The following SEC24A variants were observed in gnomAD, a reference collection of about 807,000 sequenced individuals.
SEC24A encodes the protein SEC24 homolog A, COPII component, also known as protein transport protein Sec24A.
SEC24A carries 93 observed loss-of-function variants against 129.4 expected under a neutral mutation model. The observed-to-expected ratio is 0.72, with a 90% CI of 0.61 to 0.85. The LOEUF is 0.85. Among genes scored for constraint, SEC24A ranks in the 40% least tolerant of loss-of-function variants. The pLI, the probability that SEC24A is intolerant of heterozygous loss-of-function variation, is 0.00. For missense variants in SEC24A, 1,264 were observed against 1,307.4 expected (o/e 0.97, Z 0.51); for synonymous variants, 460 against 467.3 (o/e 0.98, Z 0.20).
At chr5:134,696,271 C>CA (rs900609545) in intron 13 of SEC24A, among the ~76,000 whole-genome samples, 18 of 147,468 alleles carry the variant, frequency 1.2e-4, no homozygotes, top group African/African-American at 2.5e-4. Flanking sequence ...ACTCCCATCT[C>CA]AAAAAAAAAG....
intron 20 of SEC24A, among the ~76,000 whole-genome samples, chr5:134,720,504 GT>G (rs1271903607): frequency 1.3e-5 from 2 of 152,074 alleles, no homozygotes; most frequent in Non-Finnish European, 2.9e-5. Context: ...TATCTTCCTT[GT>G]TTCATGCCAA....
intron 7 of SEC24A, among the ~76,000 whole-genome samples, chr5:134,676,996 T>G (rs1212317046): frequency 6.6e-6 from 1 of 152,192 alleles, no homozygotes; most frequent in Non-Finnish European, 1.5e-5. Context: ...ATCATACTAT[T>G]TTAATAGGTT....
intron 4 of SEC24A, among the ~76,000 whole-genome samples, chr5:134,674,040 G>A (rs189387589): frequency 1.3e-5 from 2 of 152,154 alleles, no homozygotes; most frequent in African/African-American, 4.8e-5. Context: ...GGCTGAAGCA[G>A]GAAAATCGCT....
At position 134,675,092 on chromosome 5, in the gene SEC24A, T is replaced by G; in HGVS notation, c.1026T>G (p.Ser342Arg). 1 of 1,612,806 alleles carries G rather than the reference T, an allele frequency of 6.2e-7. No individual in the cohort carries two copies. The highest frequency in any genetic ancestry group is 1.1e-5 in the South Asian group (1 of 90,920). The change falls in exon 6 of 23, where the codon AGT becomes AGG. Residue 342 changes from serine to arginine, a missense_variant. Ser to Arg is a moderately radical substitution (Grantham distance 110). Transcript: ENST00000398844. ...TAACCACAAGCATGAGTGGATTAAG[T>G]CTACAACCAGAGGGTCTAAGAGTTG... is the stretch of plus-strand genomic sequence containing the variant. ...NHLTTSMSGLSLQPEGLRVVN... is the reference protein window; with the variant it reads ...NHLTTSMSGLRLQPEGLRVVN...
chr5:134,716,410 A>G (rs1272317008), intron 19 of SEC24A, among the ~76,000 whole-genome samples: 1 of 150,826 alleles, frequency 6.6e-6, no homozygotes, highest in Admixed American at 6.6e-5. Context: ...CGGAGGTTGC[A>G]GTGAGCCAAG....
intron 13 of SEC24A, among the ~76,000 whole-genome samples, chr5:134,696,181 A>T (rs1751817828): frequency 6.6e-6 from 1 of 151,850 alleles, no homozygotes; most frequent in Non-Finnish European, 1.5e-5. Flanking sequence ...GAGGCAGGAG[A>T]ATCGCTAGAA....
At chr5:134,694,306 A>G (rs368799495) in intron 13 of SEC24A, among the ~76,000 whole-genome samples, 1 of 152,222 alleles carries the variant, frequency 6.6e-6, no homozygotes, top group East Asian at 1.9e-4. Context: ...TGGGCAGTTC[A>G]TCTGAGGTTG....
At position 134,697,209 on chromosome 5, in the gene SEC24A, C is replaced by G; in HGVS notation, c.2070C>G (p.Phe690Leu). The G allele has an allele frequency of 6.2e-7, 1 of 1,605,384 alleles. No individual in the cohort carries two copies. Among genetic ancestry groups the G allele is most frequent in the South Asian group, 1.1e-5 (1 of 90,010 alleles). The change falls in exon 14 of 23, where the codon TTC (phenylalanine) becomes TTG (leucine). Residue 690 changes from phenylalanine to leucine, a missense_variant. Phe to Leu is a conservative substitution (Grantham distance 22). Coordinates refer to ENST00000398844, the MANE Select transcript of SEC24A (RefSeq NM_021982.3). ...GTCAGCAAGTTGCTGTTGACTTATTCCTTCTCAGTGGACAGTATTCTGATT... is the reference window on the plus strand; with the variant it reads ...GTCAGCAAGTTGCTGTTGACTTATTGCTTCTCAGTGGACAGTATTCTGATT... ...CSGQQVAVDL[F>L]LLSGQYSDLA...
At chr5:134,675,626 A>T (rs931650663) in intron 6 of SEC24A, among the ~76,000 whole-genome samples, 2 of 152,224 alleles carry the variant, frequency 1.3e-5, no homozygotes, top group African/African-American at 4.8e-5. Flanking sequence ...ATAATTTCTG[A>T]TAAATTAAAT....
At position 134,677,529 on chromosome 5, in the gene SEC24A, A is replaced by G. The variant is rs542689467; in HGVS notation, c.1254+1404A>G. On this transcript the variant is annotated intron_variant, in intron 7 of 22. Coordinates refer to ENST00000398844, the MANE Select transcript of SEC24A (RefSeq NM_021982.3). The stretch of plus-strand genomic sequence containing the variant: ...TGCATTGCCCAGGATTGGGTATGAG[A>G]TCCTTATCTTAAAAAAAAAAAATAA... 2.9e-4 allele frequency among the ~76,000 whole-genome samples: 42 copies of G among 145,396 alleles called. No individual in the cohort carries two copies. In the South Asian group the frequency reaches 9.1e-3, roughly 32 times the overall value.
In SEC24A at chr5:134,718,259, C is replaced by T. The variant is rs1320575306; in HGVS notation, c.2970+86C>T. 7.6e-6 allele frequency: 7 copies of T among 923,410 alleles called. No individual in the cohort carries two copies. The East Asian group carries it at 9.6e-5, about 13-fold the overall frequency. The allele number at this position is 923,410 out of a possible 1,614,324, so 57.2% of individuals were successfully genotyped here. ...TTTGGTTTCATTCCCTTTAATATCTCTCTTCCTGAACAGATTTCATATTTT... is the reference window on the plus strand; with the variant it reads ...TTTGGTTTCATTCCCTTTAATATCTTTCTTCCTGAACAGATTTCATATTTT... On this transcript the variant is annotated intron_variant, in intron 20 of 22. Coordinates refer to ENST00000398844, the MANE Select transcript of SEC24A (RefSeq NM_021982.3).
chr5:134,684,986 A>G (rs559769979), intron 9 of SEC24A, among the ~76,000 whole-genome samples: 1 of 152,320 alleles, frequency 6.6e-6, no homozygotes, highest in South Asian at 2.1e-4. Flanking sequence ...ATGCAAAAAT[A>G]TATAAAAGTA....
chr5:134,708,159 C>A (rs1390753288), intron 17 of SEC24A, among the ~76,000 whole-genome samples: 11 of 151,794 alleles, frequency 7.2e-5, no homozygotes, highest in Non-Finnish European at 1.2e-4. Context: ...TCTAAGAGCT[C>A]TTTCTGTAAA....
intron 8 of SEC24A, among the ~76,000 whole-genome samples, chr5:134,680,344 T>G (rs578240164): frequency 6.6e-6 from 1 of 152,200 alleles, no homozygotes; most frequent in Non-Finnish European, 1.5e-5. Flanking sequence ...TTTTTGTTTT[T>G]GTTTTTGAGA....
At chr5:134,650,311 G>A (rs1209366827) in intron 1 of SEC24A, among the ~76,000 whole-genome samples, 1 of 152,062 alleles carries the variant, frequency 6.6e-6, no homozygotes, top group African/African-American at 2.4e-5. Flanking sequence ...TTTACACTGA[G>A]GATGAGAAAA....
At chr5:134,672,804 T>C (rs747519328) in intron 4 of SEC24A, among the ~76,000 whole-genome samples, 2 of 152,120 alleles carry the variant, frequency 1.3e-5, no homozygotes, top group African/African-American at 2.4e-5. Context: ...AGCACTGTTA[T>C]AGCTCACTGT....
At chr5:134,684,460 C>A (rs887574205) in intron 9 of SEC24A, among the ~76,000 whole-genome samples, 1 of 151,976 alleles carries the variant, frequency 6.6e-6, no homozygotes, top group Non-Finnish European at 1.5e-5. Flanking sequence ...CACCCGTAAT[C>A]CCAGCAATTT....
intron 11 of SEC24A, among the ~76,000 whole-genome samples, chr5:134,691,485 G>A (rs116275769): frequency 0.013 from 1,939 of 149,228 alleles, 47 homozygotes; most frequent in African/African-American, 0.044. Flanking sequence ...CTTTTTAAAG[G>A]CACTGGTGTG....
intron 12 of SEC24A, chr5:134,693,420 A>T: frequency 7.4e-7 from 1 of 1,355,556 alleles, no homozygotes; most frequent in Non-Finnish European, 9.5e-7. Context: ...GCCATATTTC[A>T]TGGCATTAAA....
Sources: gnomAD v4.1 joint callset for allele counts (sites outside exome capture counted in the v4.1 genomes callset) on GRCh38, gnomAD v4.1.1 for gene constraint, MANE v1.5 for transcripts, NCBI Gene and HGNC (gene_info 2026-07-23, HGNC 2026-07-21) for gene names.